DOK6: variants seen among roughly 807,000 people sequenced by gnomAD.
DOK6 encodes the protein docking protein 6, also known as downstream of tyrosine kinase 6.
DOK6 carries 22 observed loss-of-function variants against 44.0 expected under a neutral mutation model. That is an observed-to-expected ratio of 0.50 (90% CI 0.36 to 0.71). The LOEUF (loss-of-function observed/expected upper bound fraction) is 0.71, where lower values mean the gene tolerates loss of function less well. DOK6 is among the 30% of genes least tolerant of loss of function. The probability of loss-of-function intolerance (pLI) is 0.00; values close to 1 mark genes in which losing one functional copy is unlikely to be tolerated. For synonymous variants in DOK6, 166 were observed against 145.5 expected (o/e 1.14, Z -1.01); for missense variants, 340 against 416.4 (o/e 0.82, Z 1.60).
At chr18:69,565,705 C>T (rs1299169994) in intron 2 of DOK6, among the ~76,000 whole-genome samples, 2 of 151,990 alleles carry the variant, frequency 1.3e-5, no homozygotes, top group Non-Finnish European at 2.9e-5. Flanking sequence ...AGATTTACTG[C>T]CAGAGAATAC....
At chr18:69,440,376 G>T (rs1462009177) in intron 1 of DOK6, among the ~76,000 whole-genome samples, 1 of 152,108 alleles carries the variant, frequency 6.6e-6, no homozygotes, top group East Asian at 1.9e-4. Context: ...AAAAATGGAG[G>T]TGATAGACTT....
At chr18:69,827,991 G>A (rs1188932860) in intron 7 of DOK6, among the ~76,000 whole-genome samples, 1 of 151,708 alleles carries the variant, frequency 6.6e-6, no homozygotes, top group Non-Finnish European at 1.5e-5. Context: ...CATTAATATG[G>A]TGTTTCAGTA....
intron 1 of DOK6, among the ~76,000 whole-genome samples, chr18:69,416,645 T>G (rs1202360092): frequency 6.6e-6 from 1 of 152,150 alleles, no homozygotes; most frequent in Non-Finnish European, 1.5e-5. Context: ...GCTCAAATCC[T>G]ACTTCCTCCA....
At chr18:69,592,852 A>C (rs1219323560) in intron 2 of DOK6, among the ~76,000 whole-genome samples, 1 of 152,136 alleles carries the variant, frequency 6.6e-6, no homozygotes, top group Non-Finnish European at 1.5e-5. Flanking sequence ...CATGTTGATA[A>C]TTTTTTATGT....
chr18:69,749,206 A>G (rs1410721261), intron 6 of DOK6, among the ~76,000 whole-genome samples: 1 of 152,104 alleles, frequency 6.6e-6, no homozygotes, highest in Non-Finnish European at 1.5e-5. Flanking sequence ...TAGGCTTAAT[A>G]TCTAGGTGAT....
intron 3 of DOK6, among the ~76,000 whole-genome samples, chr18:69,620,100 G>A (rs564815307): frequency 2.7e-4 from 41 of 151,972 alleles, no homozygotes; most frequent in Middle Eastern, 3.4e-3. Flanking sequence ...AATATGTGAC[G>A]TATGCTTTTA....
At chr18:69,772,503 A>G (rs537331105) in intron 7 of DOK6, among the ~76,000 whole-genome samples, 18 of 152,204 alleles carry the variant, frequency 1.2e-4, no homozygotes, top group Admixed American at 2.6e-4. Context: ...TAAAACAATA[A>G]AACATAAAGT....
intron 1 of DOK6, among the ~76,000 whole-genome samples, chr18:69,444,228 A>G (rs984497777): frequency 2.0e-5 from 3 of 152,172 alleles, no homozygotes; most frequent in Non-Finnish European, 4.4e-5. Flanking sequence ...GATGTTTTGG[A>G]GAGCACGGCA....
intron 1 of DOK6, among the ~76,000 whole-genome samples, chr18:69,562,919 T>C (rs1982872947): frequency 6.6e-6 from 1 of 151,962 alleles, no homozygotes; most frequent in Non-Finnish European, 1.5e-5. Context: ...AGGGCTAATA[T>C]CCAGAATCTA....
In DOK6 at chr18:69,501,375, C is replaced by T. The variant is rs181004678; in HGVS notation, c.67-63112C>T. On this transcript the variant is annotated intron_variant, in intron 1 of 7. Coordinates refer to ENST00000382713, the MANE Select transcript of DOK6 (RefSeq NM_152721.6). ...TTCAAAAGTTATACTATTGCCAAAA[C>T]AAATACTATATGTTGGAACCCAATA... Among the ~76,000 whole-genome samples the T allele has an allele frequency of 2.9e-3, 443 of 152,196 alleles. 2 individuals carry two copies. Among genetic ancestry groups the T allele is most frequent in the Non-Finnish European group, 5.1e-3 (346 of 67,962 alleles).
intron 7 of DOK6, among the ~76,000 whole-genome samples, chr18:69,758,144 CATT>C (rs1979421436): frequency 6.6e-6 from 1 of 152,214 alleles, no homozygotes; most frequent in Admixed American, 6.5e-5. Context: ...ATACCAAGCA[CATT>C]ATCAGAAGCT....
At position 69,558,658 on chromosome 18, in the gene DOK6, A is replaced by G. The variant is rs560183158; in HGVS notation, c.67-5829A>G. Among the ~76,000 whole-genome samples the G allele has an allele frequency of 3.9e-5, 6 of 152,290 alleles. No individual in the cohort carries two copies. In the South Asian group the frequency reaches 6.2e-4, roughly 16 times the overall value. ...ATTAAGACAAACAGAAATGAAGGAC[A>G]TTGTACAATATACCTAACCATTAGA... is the stretch of plus-strand genomic sequence containing the variant. On this transcript the variant is annotated intron_variant, in intron 1 of 7. Transcript: ENST00000382713.
intron 3 of DOK6, among the ~76,000 whole-genome samples, chr18:69,667,403 G>T (rs1007282801): frequency 3.9e-5 from 6 of 152,062 alleles, no homozygotes; most frequent in African/African-American, 1.4e-4. Context: ...GCTTTCTCTT[G>T]CACCTATTCA....
chr18:69,669,572 C>T (rs961743489), intron 3 of DOK6, among the ~76,000 whole-genome samples: 3 of 152,138 alleles, frequency 2.0e-5, no homozygotes, highest in Admixed American at 1.3e-4. Context: ...AGATGTCCTT[C>T]GAAATCTCTT....
At chr18:69,444,071 T>C (rs1417477814) in intron 1 of DOK6, among the ~76,000 whole-genome samples, 1 of 152,260 alleles carries the variant, frequency 6.6e-6, no homozygotes, top group East Asian at 1.9e-4. Flanking sequence ...ATATAATTTG[T>C]CTCTACTTGT....
intron 4 of DOK6, 44 bp from the exon 5 acceptor site, chr18:69,698,360 C>A (rs2144702943): frequency 1.3e-6 from 2 of 1,544,244 alleles, no homozygotes. Flanking sequence ...TAGACACTCA[C>A]ACCTCTTTTC....
At chr18:69,729,860 A>T (rs574690590) in intron 5 of DOK6, among the ~76,000 whole-genome samples, 4 of 152,244 alleles carry the variant, frequency 2.6e-5, no homozygotes, top group Non-Finnish European at 5.9e-5. Flanking sequence ...AGTGGCTCTA[A>T]AAGTTTTATT....
At chr18:69,700,238 T>TATATATATA (rs1162107028) in intron 5 of DOK6, among the ~76,000 whole-genome samples, 6 of 147,876 alleles carry the variant, frequency 4.1e-5, no homozygotes, top group South Asian at 2.1e-4. Flanking sequence ...TATATATGAA[T>TATATATATA]TGAATGTTGT....
intron 3 of DOK6, among the ~76,000 whole-genome samples, chr18:69,644,754 C>A (rs1283773030): frequency 6.6e-6 from 1 of 152,140 alleles, no homozygotes; most frequent in Non-Finnish European, 1.5e-5. Flanking sequence ...GATACTGATG[C>A]TAATTGCTGT....
Sources: allele counts gnomAD v4.1 joint callset (sites outside exome capture counted in the v4.1 genomes callset), GRCh38; gene constraint gnomAD v4.1.1; transcripts MANE v1.5; gene names NCBI Gene and HGNC (gene_info 2026-07-23, HGNC 2026-07-21).